Variants in AGFG2 observed in about 807,000 individuals in gnomAD.
AGFG2 encodes the protein ArfGAP with FG repeats 2, also known as arf-GAP domain and FG repeat-containing protein 2.
AGFG2 carries 31 observed loss-of-function variants against 48.0 expected under a neutral mutation model. That is an observed-to-expected ratio of 0.65 (90% CI 0.49 to 0.87). The LOEUF is 0.87. Ranked by LOEUF, AGFG2 falls within the 40% of genes least tolerant of loss-of-function variation. AGFG2 has a pLI of 0.00. For missense variants in AGFG2, 599 were observed against 632.6 expected (o/e 0.95, Z 0.57); for synonymous variants, 229 against 260.8 (o/e 0.88, Z 1.18).
chr7:100,550,829 C>G (rs928213793), intron 3 of AGFG2, among the ~76,000 whole-genome samples: 1 of 149,920 alleles, frequency 6.7e-6, no homozygotes, highest in Non-Finnish European at 1.5e-5. Flanking sequence ...AGCACACATC[C>G]TATAGTTTTA....
chr7:100,555,762 T>C (rs778809785), intron 6 of AGFG2, 27 bp downstream of exon 6: 7 of 1,612,410 alleles, frequency 4.3e-6, no homozygotes, highest in Non-Finnish European at 5.9e-6. Context: ...TGGCTTCCTT[T>C]CTCTTCCAAC....
intron 1 of AGFG2, among the ~76,000 whole-genome samples, chr7:100,542,809 C>T (rs1562789066): frequency 1.3e-5 from 2 of 152,118 alleles, no homozygotes; most frequent in South Asian, 2.1e-4. Flanking sequence ...AAATTGTGGT[C>T]GGCTGACAGC....
rs150717866 is a variant in AGFG2, at chr7:100,541,711, C to T, written c.221+2144C>T. The stretch of plus-strand genomic sequence containing the variant: ...CCAAGAGGTGGAGGTTGCAATGAGC[C>T]GAGATCGCACCACTGCACTCTCCAG... On this transcript the variant is annotated intron_variant, in intron 1 of 11. Coordinates refer to ENST00000300176, the MANE Select transcript of AGFG2 (RefSeq NM_006076.5). Among the ~76,000 whole-genome samples the T allele has an allele frequency of 2.3e-3, 347 of 147,974 alleles. 3 individuals are homozygous for T. Among genetic ancestry groups the T allele is most frequent in the African/African-American group, 8.1e-3 (322 of 39,926 alleles).
At position 100,562,617 on chromosome 7, in the gene AGFG2, T is replaced by TC. The variant is rs1331702213; in HGVS notation, c.1028dup (p.Leu344AlafsTer23). ...AGCCTCTTCGGGATGGCTGGCCAGGTCCCCCCGCTCCAGTCTGTCACGATG... is the reference window on the plus strand; with the variant it reads ...AGCCTCTTCGGGATGGCTGGCCAGGTCCCCCCCGCTCCAGTCTGTCACGATG... On this transcript the variant is annotated frameshift_variant, in exon 8 of 12. Transcript: ENST00000300176. LOFTEE classifies it high-confidence loss of function. The surrounding 1 kb of genome is among the most constrained non-coding windows in gnomAD (Gnocchi z 5.4). 1 of 1,612,298 alleles carries TC rather than the reference T, an allele frequency of 6.2e-7. No homozygotes were observed. Among genetic ancestry groups the TC allele is most frequent in the Non-Finnish European group, 8.5e-7 (1 of 1,179,864 alleles).
chr7:100,559,058 C>T (rs1251089989), intron 6 of AGFG2, among the ~76,000 whole-genome samples: 4 of 152,010 alleles, frequency 2.6e-5, no homozygotes, highest in African/African-American at 4.8e-5. Flanking sequence ...TGCTTGAACC[C>T]GGGAGGCTGA....
rs563142706 is a variant in AGFG2 at position 100,543,925 on chromosome 7, C to T, written c.221+4358C>T. On this transcript the variant is annotated intron_variant, in intron 1 of 11. Coordinates refer to ENST00000300176, the MANE Select transcript of AGFG2 (RefSeq NM_006076.5). Reference sequence around the variant, plus strand: ...ACCTAGATGTGGATCTGTTTAATTTCCCCAACATACACATATGCTTGTTTG... The same window carrying T: ...ACCTAGATGTGGATCTGTTTAATTTTCCCAACATACACATATGCTTGTTTG... Among the ~76,000 whole-genome samples the T allele has an allele frequency of 2.0e-5, 3 of 152,320 alleles. No homozygotes were observed. In the South Asian group the frequency reaches 6.2e-4, roughly 32 times the overall value.
chr7:100,554,167 AGC>A lies in AGFG2; in HGVS notation c.661_662del (p.Ala221GlnfsTer3). 29 of 1,614,216 alleles carry A rather than the reference AGC, an allele frequency of 1.8e-5. No homozygotes were observed. Among genetic ancestry groups the A allele is most frequent in the Non-Finnish European group, 2.5e-5 (29 of 1,180,044 alleles). On this transcript the variant is annotated frameshift_variant, in exon 5 of 12. Coordinates refer to ENST00000300176, the MANE Select transcript of AGFG2 (RefSeq NM_006076.5). LOFTEE classifies it high-confidence loss of function. ...QPPPHSSVKK[A>X]STDLLADIGG... is the part of the protein sequence containing the mutation. Reference sequence around the variant, plus strand: ...CACCTCCCCACTCCTCTGTCAAAAAAGCCAGTACTGACCTGCTGGCTGACATC... The same window carrying A: ...CACCTCCCCACTCCTCTGTCAAAAAACAGTACTGACCTGCTGGCTGACATC...
At chr7:100,550,328 AAAGG>A in intron 2 of AGFG2, 64 bp from the exon 3 acceptor site, 1 of 1,000,196 alleles carries the variant, frequency 1.0e-6, no homozygotes, top group Non-Finnish European at 1.5e-6. Context: ...AAAAAAAAAA[AAAGG>A]AAGTGGTATT....
chr7:100,543,249 G>A (rs971778425), intron 1 of AGFG2, among the ~76,000 whole-genome samples: 1 of 152,116 alleles, frequency 6.6e-6, no homozygotes, highest in Non-Finnish European at 1.5e-5. Flanking sequence ...ATTTTTAGTA[G>A]AGACGGGGTT....
chr7:100,555,940 G>T, intron 6 of AGFG2: 1 of 602,682 alleles, frequency 1.7e-6, no homozygotes, highest in Admixed American at 3.2e-5. Context: ...TTCATGAAAG[G>T]AAAATGACTA....
At chr7:100,555,012 C>T (rs1009868337) in intron 5 of AGFG2, among the ~76,000 whole-genome samples, 4 of 151,428 alleles carry the variant, frequency 2.6e-5, no homozygotes, top group African/African-American at 2.4e-5. Flanking sequence ...CAAACTAGGC[C>T]CTGACAAAAA....
At chr7:100,556,746 T>A in intron 6 of AGFG2, 1 of 781,672 alleles carries the variant, frequency 1.3e-6, no homozygotes, top group African/African-American at 1.8e-5. Flanking sequence ...GCAATTTCCC[T>A]AGTCATGCAG....
At chr7:100,550,339 T>A in intron 2 of AGFG2, 57 bp from the exon 3 acceptor site, 1 of 952,788 alleles carries the variant, frequency 1.0e-6, no homozygotes, top group Non-Finnish European at 1.6e-6. Flanking sequence ...AAGGAAGTGG[T>A]ATTTTTTGTA....
intron 11 of AGFG2, 71 bp downstream of exon 11, chr7:100,564,374 G>A: frequency 6.7e-7 from 1 of 1,496,040 alleles, no homozygotes. Flanking sequence ...TTCCAGAAGA[G>A]GCTGATGTGA....
chr7:100,548,744 C>T (rs966267825), intron 1 of AGFG2, 78 bp from the exon 2 acceptor site: 13 of 862,610 alleles, frequency 1.5e-5, no homozygotes, highest in Non-Finnish European at 2.4e-5. Flanking sequence ...CCCTTTCTCC[C>T]TCCTCCTCCT....
chr7:100,545,031 T>C (rs1336954344), intron 1 of AGFG2, among the ~76,000 whole-genome samples: 1 of 152,264 alleles, frequency 6.6e-6, no homozygotes, highest in South Asian at 2.1e-4. Flanking sequence ...TTCATGGTGA[T>C]GTTTGCATCC....
At chr7:100,563,738 A>G (rs1471890333) in intron 9 of AGFG2, 96 bp from the exon 10 acceptor site, 51 of 1,552,542 alleles carry the variant, frequency 3.3e-5, no homozygotes, top group Non-Finnish European at 4.3e-5. Flanking sequence ...GGAAAAAACT[A>G]TATCCCATTT....
At chr7:100,559,538 C>T (rs1025956234) in intron 6 of AGFG2, among the ~76,000 whole-genome samples, 3 of 151,948 alleles carry the variant, frequency 2.0e-5, no homozygotes, top group South Asian at 2.1e-4. Flanking sequence ...GCATGAAGGC[C>T]GGGTGTGGTG....
At chr7:100,544,684 C>G (rs773832014) in intron 1 of AGFG2, among the ~76,000 whole-genome samples, 1 of 122,176 alleles carries the variant, frequency 8.2e-6, no homozygotes, top group Non-Finnish European at 1.6e-5. Flanking sequence ...TGAAAAGCCC[C>G]GAAGGAAGTG....
Sources: allele counts gnomAD v4.1 joint callset (sites outside exome capture counted in the v4.1 genomes callset), GRCh38; gene constraint gnomAD v4.1.1; non-coding constraint Gnocchi (gnomAD v3.1); transcripts MANE v1.5; gene names NCBI Gene and HGNC (gene_info 2026-07-23, HGNC 2026-07-21).